Variants in OR2C1 observed in about 807,000 individuals in gnomAD.
OR2C1 encodes olfactory receptor 2C1.
For synonymous variants in OR2C1, 209 were observed against 167.3 expected (o/e 1.25, Z -1.92); for missense variants, 468 against 388.3 (o/e 1.21, Z -1.73).
rs200939482 is a variant in OR2C1 at position 3,356,575 on chromosome 16, G to A, written c.635G>A (p.Ser212Asn). Residue 212 changes from serine (S) to asparagine (N), a missense_variant, in exon 1 of 1, where the codon AGC becomes AAC. Transcript: ENST00000304936. The part of the protein sequence containing the change: ...VCTFFTAVPL[S>N]IIVISYCLIA... Reference sequence around the variant, plus strand: ...ACCTTCTTCACTGCAGTCCCACTAAGCATCATCGTGATCTCCTACTGCCTC... The same window carrying A: ...ACCTTCTTCACTGCAGTCCCACTAAACATCATCGTGATCTCCTACTGCCTC... 2 of 1,614,166 alleles carry A rather than the reference G, an allele frequency of 1.2e-6. No homozygotes were observed. Among genetic ancestry groups the A allele is most frequent in the East Asian group, 2.2e-5 (1 of 44,892 alleles).
Position 3,356,100 on chromosome 16 carries a change from C to A in OR2C1, c.160C>A (p.Arg54=), listed in dbSNP as rs758078126. The A allele has an allele frequency of 8.1e-5, 131 of 1,614,178 alleles. 2 individuals are homozygous for A. In the South Asian group the frequency reaches 1.4e-3, roughly 17 times the overall value. The change falls in exon 1 of 1, where the codon CGG becomes AGG. Residue 54 remains arginine, a synonymous_variant. Transcript: ENST00000304936. ...CATCTTGCTTTCCCGCCTGGAGGCC[C>A]GGCTCCATACACCCATGTACTTCTT... ...TIILLSRLEA[R]LHTPMYFFLS...
At chr16:3,352,000 A>G (rs2030580666), upstream of OR2C1, among the ~76,000 whole-genome samples, 1 of 152,076 alleles carries the variant, frequency 6.6e-6, no homozygotes, top group South Asian at 2.1e-4. Flanking sequence ...GCAGAATTAG[A>G]AAATACATTT....
the OR2C1 span, among the ~76,000 whole-genome samples, chr16:3,347,783 C>T: frequency 2.6e-5 from 4 of 151,734 alleles, no homozygotes; most frequent in East Asian, 3.9e-4. Context: ...CATGCACACA[C>T]GCACACACAC....
the OR2C1 span, among the ~76,000 whole-genome samples, chr16:3,346,619 T>C: frequency 3.3e-5 from 4 of 120,256 alleles, no homozygotes; most frequent in Non-Finnish European, 6.6e-5. Flanking sequence ...AAAATGTCCA[T>C]GCATCTTTTT....
At position 3,356,940 on chromosome 16, in the gene OR2C1, C is replaced by A; in HGVS notation, c.*61C>A. ...TCTACATGCGTTTCTCATTAACTCT[C>A]TCTGGCCAGGTGAACATGAGGAATA... On this transcript the variant is annotated 3_prime_UTR_variant, in exon 1 of 1. Coordinates refer to ENST00000304936, the MANE Select transcript of OR2C1 (RefSeq NM_012368.3). 1 of 1,361,128 alleles carries A rather than the reference C, an allele frequency of 7.3e-7. No individual in the cohort carries two copies. The highest frequency in any genetic ancestry group is 9.9e-7 in the Non-Finnish European group (1 of 1,008,996). The allele number at this position is 1,361,128 out of a possible 1,614,324, so 84.3% of individuals were successfully genotyped here.
At position 3,356,285 on chromosome 16, in the gene OR2C1, G is replaced by T. The variant is rs947438031; in HGVS notation, c.345G>T (p.Leu115=). Residue 115 remains leucine, a synonymous_variant, in exon 1 of 1, where the codon CTG becomes CTT. Coordinates refer to ENST00000304936, the MANE Select transcript of OR2C1 (RefSeq NM_012368.3). ...LWLGATECIL[L]VVMAFDRYVA... is the part of the protein sequence containing the mutation. ...TGGGGGCCACCGAGTGCATCCTGCTGGTGGTGATGGCATTTGACCGCTACG... is the reference window on the plus strand; with the variant it reads ...TGGGGGCCACCGAGTGCATCCTGCTTGTGGTGATGGCATTTGACCGCTACG... 6.2e-7 allele frequency: 1 copy of T among 1,613,736 alleles called. No individual in the cohort carries two copies. Among genetic ancestry groups the T allele is most frequent in the African/African-American group, 1.3e-5 (1 of 75,064 alleles).
the OR2C1 span, chr16:3,323,625 GA>G: frequency 1.4e-6 from 1 of 725,100 alleles, no homozygotes; most frequent in Non-Finnish European, 2.5e-6. Flanking sequence ...TGCACCAGTA[GA>G]CTCACGCCAA....
the OR2C1 span, among the ~76,000 whole-genome samples, chr16:3,337,599 A>G: frequency 2.0e-5 from 3 of 152,006 alleles, no homozygotes; most frequent in Admixed American, 2.0e-4. Context: ...ATTTTTTTTA[A>G]ATTACCTCAG....
the OR2C1 span, among the ~76,000 whole-genome samples, chr16:3,328,168 C>T: frequency 3.3e-5 from 5 of 152,120 alleles, no homozygotes; most frequent in Admixed American, 3.3e-4. Flanking sequence ...ACCCAGTGTC[C>T]TGATAGTCAA....
chr16:3,326,557 C>A, the OR2C1 span, among the ~76,000 whole-genome samples: 1 of 152,152 alleles, frequency 6.6e-6, no homozygotes, highest in Non-Finnish European at 1.5e-5. Flanking sequence ...CTCCTAACAT[C>A]CGTTTCACCC....
chr16:3,325,460 A>AAAATCTAT, the OR2C1 span, among the ~76,000 whole-genome samples: 1 of 93,164 alleles, frequency 1.1e-5, no homozygotes, highest in African/African-American at 5.4e-5. Context: ...TATGTCTAAA[A>AAAATCTAT]ATATATATAT....
the OR2C1 span, among the ~76,000 whole-genome samples, chr16:3,327,596 C>T: frequency 6.0e-5 from 9 of 150,774 alleles, no homozygotes; most frequent in Admixed American, 2.7e-4. Flanking sequence ...GAGAGTGGTC[C>T]GGAAGGGATA....
At chr16:3,327,117 G>C in the OR2C1 span, among the ~76,000 whole-genome samples, 2 of 152,022 alleles carry the variant, frequency 1.3e-5, no homozygotes, top group Admixed American at 1.3e-4. Context: ...CCACTTAGAG[G>C]TTTTTCTTAT....
chr16:3,329,082 A>C, the OR2C1 span, among the ~76,000 whole-genome samples: 6 of 151,544 alleles, frequency 4.0e-5, no homozygotes, highest in Admixed American at 4.0e-4. Flanking sequence ...GACGGAGCCA[A>C]AGGATACAGT....
the OR2C1 span, among the ~76,000 whole-genome samples, chr16:3,334,864 G>T: frequency 6.6e-6 from 1 of 151,556 alleles, no homozygotes; most frequent in East Asian, 1.9e-4. Flanking sequence ...TGTTGCCCAG[G>T]CTGGAGTGCA....
chr16:3,335,237 A>T, the OR2C1 span, among the ~76,000 whole-genome samples: 1 of 152,180 alleles, frequency 6.6e-6, no homozygotes, highest in Non-Finnish European at 1.5e-5. Flanking sequence ...ATTTTGATAG[A>T]GATTGCATTG....
chr16:3,327,136 T>C, the OR2C1 span, among the ~76,000 whole-genome samples: 1 of 152,100 alleles, frequency 6.6e-6, no homozygotes, highest in Non-Finnish European at 1.5e-5. Context: ...ATGGAAGTTA[T>C]CAAACATATA....
At chr16:3,354,452 T>C (rs937490627), upstream of OR2C1, among the ~76,000 whole-genome samples, 1 of 152,252 alleles carries the variant, frequency 6.6e-6, no homozygotes, top group Non-Finnish European at 1.5e-5. Context: ...CTTTTGCCTT[T>C]TCCACCTAAA....
the OR2C1 span, among the ~76,000 whole-genome samples, chr16:3,327,531 T>C: frequency 2.0e-5 from 3 of 151,772 alleles, no homozygotes; most frequent in Non-Finnish European, 4.4e-5. Flanking sequence ...CCTCTTGACC[T>C]CCTCCCTGGA....
Sources: allele counts gnomAD v4.1 joint callset (sites outside exome capture counted in the v4.1 genomes callset), GRCh38; gene constraint gnomAD v4.1.1; transcripts MANE v1.5; gene names NCBI Gene and HGNC (gene_info 2026-07-23, HGNC 2026-07-21).